UBR3: variants seen among roughly 807,000 people sequenced by gnomAD.
UBR3 encodes E3 ubiquitin-protein ligase UBR3.
UBR3 carries 85 observed loss-of-function variants against 243.2 expected under a neutral mutation model. The ratio of observed to expected loss-of-function variants is 0.35; its 90% confidence interval spans 0.29 to 0.42. The LOEUF is 0.42. Among genes scored for constraint, UBR3 ranks in the 10% least tolerant of loss-of-function variants. The pLI is 1.00. For synonymous variants in UBR3, 748 were observed against 799.8 expected, an observed-to-expected ratio of 0.94 and a Z score of 1.09; for missense variants, 1,686 against 2,300.8, an observed-to-expected ratio of 0.73 and a Z score of 5.47.
intron 1 of UBR3, among the ~76,000 whole-genome samples, chr2:169,859,103 T>G (rs1323269358): frequency 1.4e-5 from 2 of 145,700 alleles, no homozygotes; most frequent in African/African-American, 2.6e-5. Flanking sequence ...TTTTTTTTTT[T>G]GAGATGGAGT....
At chr2:170,001,879 C>T (rs1405530695) in intron 27 of UBR3, among the ~76,000 whole-genome samples, 1 of 122,650 alleles carries the variant, frequency 8.2e-6, no homozygotes, top group Non-Finnish European at 1.6e-5. Flanking sequence ...CACCACTGCA[C>T]TCCAGCCTGG....
intron 24 of UBR3, among the ~76,000 whole-genome samples, chr2:169,975,856 C>G (rs2088411332): frequency 6.9e-6 from 1 of 144,380 alleles, no homozygotes; most frequent in Admixed American, 7.3e-5. Flanking sequence ...TTATCTGGAT[C>G]TGCATATATC....
At chr2:169,868,572 A>G (rs986379165) in intron 1 of UBR3, among the ~76,000 whole-genome samples, 1 of 152,242 alleles carries the variant, frequency 6.6e-6, no homozygotes, top group African/African-American at 2.4e-5. Flanking sequence ...TGGCCTCCCA[A>G]AGTACTGGGA....
intron 32 of UBR3, among the ~76,000 whole-genome samples, chr2:170,051,462 A>G (rs1348385102): frequency 6.6e-6 from 1 of 152,162 alleles, no homozygotes; most frequent in Non-Finnish European, 1.5e-5. Flanking sequence ...TTCCTGCCTC[A>G]GCCTTCCAAG....
At chr2:170,040,223 T>C (rs2105431204) in intron 31 of UBR3, among the ~76,000 whole-genome samples, 1 of 152,242 alleles carries the variant, frequency 6.6e-6, no homozygotes, top group South Asian at 2.1e-4. Flanking sequence ...GCTGCAGCCT[T>C]GACCTCCTGG....
chr2:170,049,967 A>C (rs1330605144), intron 32 of UBR3, among the ~76,000 whole-genome samples: 1 of 152,212 alleles, frequency 6.6e-6, no homozygotes, highest in Non-Finnish European at 1.5e-5. Flanking sequence ...CTTTCATTTG[A>C]ATCTTTAACA....
intron 23 of UBR3, among the ~76,000 whole-genome samples, chr2:169,953,265 ACT>A (rs2087120888): frequency 6.6e-6 from 1 of 151,990 alleles, no homozygotes; most frequent in Non-Finnish European, 1.5e-5. Flanking sequence ...GATTAAGATG[ACT>A]CTATTTGGAT....
intron 8 of UBR3, among the ~76,000 whole-genome samples, chr2:169,898,686 A>T (rs1421792055): frequency 1.1e-4 from 14 of 130,448 alleles, no homozygotes; most frequent in Admixed American, 7.7e-5. Context: ...TTTTTTTTTT[A>T]AAGATGGAGT....
chr2:169,918,941 A>C (rs2085574676), intron 11 of UBR3, among the ~76,000 whole-genome samples: 1 of 152,198 alleles, frequency 6.6e-6, no homozygotes, highest in Non-Finnish European at 1.5e-5. Flanking sequence ...TGCTTCTGTA[A>C]AGTTGTGACC....
chr2:170,054,782 G>A (rs1431103464), intron 32 of UBR3, among the ~76,000 whole-genome samples: 1 of 152,090 alleles, frequency 6.6e-6, no homozygotes, highest in African/African-American at 2.4e-5. Context: ...TGATGTGTTG[G>A]TTTTAAACAT....
chr2:170,076,243 G>GTTA (rs2091807377), intron 36 of UBR3, among the ~76,000 whole-genome samples: 1 of 152,126 alleles, frequency 6.6e-6, no homozygotes. Context: ...AACTTATAAT[G>GTTA]TTATTAATAT....
At chr2:169,909,920 T>C (rs1011434237) in intron 10 of UBR3, among the ~76,000 whole-genome samples, 2 of 152,174 alleles carry the variant, frequency 1.3e-5, no homozygotes, top group Non-Finnish European at 2.9e-5. Flanking sequence ...ATTTTTGAGG[T>C]AGAATCTACA....
chr2:170,036,201 T>G (rs2090827864), intron 31 of UBR3, among the ~76,000 whole-genome samples: 1 of 152,088 alleles, frequency 6.6e-6, no homozygotes, highest in Non-Finnish European at 1.5e-5. Flanking sequence ...ACTTCCAGTA[T>G]GATGTTGAAA....
At chr2:169,894,182 G>C (rs1322555270) in intron 6 of UBR3, among the ~76,000 whole-genome samples, 1 of 151,844 alleles carries the variant, frequency 6.6e-6, no homozygotes, top group African/African-American at 2.4e-5. Context: ...AATTAGCAGG[G>C]TGTGGTCTTG....
chr2:169,945,531 C>T (rs1055694810), intron 20 of UBR3, among the ~76,000 whole-genome samples: 4 of 152,124 alleles, frequency 2.6e-5, no homozygotes, highest in African/African-American at 4.8e-5. Flanking sequence ...TCTGCTATCT[C>T]GCCCACAATT....
At chr2:170,014,594 G>T (rs2090181903) in intron 29 of UBR3, among the ~76,000 whole-genome samples, 1 of 151,866 alleles carries the variant, frequency 6.6e-6, no homozygotes, top group South Asian at 2.1e-4. Context: ...TTGAAATGTT[G>T]ATTTATTAAA....
intron 32 of UBR3, among the ~76,000 whole-genome samples, chr2:170,052,285 A>AT (rs2091236137): frequency 6.6e-6 from 1 of 152,158 alleles, no homozygotes; most frequent in Admixed American, 6.5e-5. Flanking sequence ...CTGAAACTGT[A>AT]TGGAGGTTCC....
chr2:170,006,958 T>C (rs1283170387), intron 27 of UBR3, 32 bp from the exon 28 acceptor site: 1 of 1,599,330 alleles, frequency 6.3e-7, no homozygotes, highest in African/African-American at 1.3e-5. Context: ...AATGTGTATA[T>C]CACGCATCTG....
chr2:169,846,517 C>A (rs181845873), intron 1 of UBR3, among the ~76,000 whole-genome samples: 1 of 152,072 alleles, frequency 6.6e-6, no homozygotes, highest in Non-Finnish European at 1.5e-5. Flanking sequence ...CGAGACCAGC[C>A]TGACCAACGT....
Sources: gnomAD v4.1 joint callset for allele counts (sites outside exome capture counted in the v4.1 genomes callset) on GRCh38, gnomAD v4.1.1 for gene constraint, MANE v1.5 for transcripts, NCBI Gene and HGNC (gene_info 2026-07-23, HGNC 2026-07-21) for gene names.